ARHGEF12: variants seen among roughly 807,000 people sequenced by gnomAD.
ARHGEF12 encodes Rho guanine nucleotide exchange factor 12.
A neutral mutation model predicts 211.2 loss-of-function variants in ARHGEF12; 66 were observed. The ratio of observed to expected loss-of-function variants is 0.31; its 90% CI spans 0.26 to 0.38. The LOEUF (loss-of-function observed/expected upper bound fraction) is 0.38. ARHGEF12 is among the 10% of genes least tolerant of loss of function. ARHGEF12 has a pLI of 1.00. For missense variants in ARHGEF12, 1,429 were observed against 1,869.5 expected (o/e 0.76, Z 4.34); for synonymous variants, 592 against 638.4 (o/e 0.93, Z 1.09).
At chr11:120,448,384 T>A in intron 20 of ARHGEF12, 36 bp downstream of exon 20, 2 of 1,517,858 alleles carry the variant, frequency 1.3e-6, no homozygotes, top group Non-Finnish European at 1.8e-6. Context: ...TGTTCAGGCC[T>A]TAGGGCTTCT....
chr11:120,471,083 A>G (rs1300741114), intron 30 of ARHGEF12, among the ~76,000 whole-genome samples: 1 of 152,200 alleles, frequency 6.6e-6, no homozygotes, highest in Non-Finnish European at 1.5e-5. Flanking sequence ...ATCATAAGCA[A>G]ATGGACCTAG....
intron 18 of ARHGEF12, 139 bp from the exon 19 acceptor site, chr11:120,447,735 G>A (rs989422215): frequency 3.5e-6 from 2 of 565,110 alleles, no homozygotes; most frequent in Non-Finnish European, 3.1e-6. Context: ...AGAATCACTT[G>A]CGCCCAGGAG....
intron 4 of ARHGEF12, among the ~76,000 whole-genome samples, chr11:120,412,088 T>C (rs932255363): frequency 6.6e-6 from 1 of 152,214 alleles, no homozygotes; most frequent in Non-Finnish European, 1.5e-5. Flanking sequence ...CATTTCCCCT[T>C]ATTTGTCCCT....
intron 1 of ARHGEF12, among the ~76,000 whole-genome samples, chr11:120,353,560 G>A (rs1048818574): frequency 3.3e-5 from 5 of 152,080 alleles, no homozygotes; most frequent in South Asian, 2.1e-4. Flanking sequence ...CCCTGATCTC[G>A]CTGTCTAGTC....
chr11:120,400,707 A>G (rs949233768), intron 1 of ARHGEF12, among the ~76,000 whole-genome samples: 1 of 152,240 alleles, frequency 6.6e-6, no homozygotes, highest in Admixed American at 6.5e-5. Context: ...TCAATCTATA[A>G]TAGCTCCAGC....
Position 120,480,309 on chromosome 11 carries a change from G to T in ARHGEF12, c.4116G>T (p.Gly1372=). The T allele has an allele frequency of 6.2e-7, 1 of 1,614,106 alleles. No individual in the cohort carries two copies. The highest frequency in any genetic ancestry group is 8.5e-7 in the Non-Finnish European group (1 of 1,180,032). ...TPEMPTMEPE[G]GLDDSGEHFF... is the part of the protein sequence containing the mutation. ...AGATGCCTACCATGGAGCCAGAAGG[G>T]GGTCTTGATGACAGTGGAGAGCACT... The change falls in exon 38 of 41, where the codon GGG becomes GGT. Residue 1372 remains glycine (G), a synonymous_variant. Coordinates refer to ENST00000397843, the MANE Select transcript of ARHGEF12 (RefSeq NM_015313.3).
intron 28 of ARHGEF12, among the ~76,000 whole-genome samples, chr11:120,466,171 A>C (rs1946701450): frequency 1.3e-5 from 2 of 152,368 alleles, no homozygotes; most frequent in African/African-American, 4.8e-5. Flanking sequence ...GAGTTTGACC[A>C]GGCTGAGATC....
intron 1 of ARHGEF12, among the ~76,000 whole-genome samples, chr11:120,381,934 A>G (rs1024722379): frequency 1.3e-5 from 2 of 152,210 alleles, no homozygotes; most frequent in Admixed American, 1.3e-4. Context: ...AGTAAAATAC[A>G]TGAAAAATCC....
rs759368594 is a variant in ARHGEF12, at chr11:120,429,814, G to A, written c.766G>A (p.Ala256Thr). ...TCAGCTGCAAGAGCAGTTATCCAAAGCCACAGGCTCTGCTCAGGTAGCATC... is the reference window on the plus strand; with the variant it reads ...TCAGCTGCAAGAGCAGTTATCCAAAACCACAGGCTCTGCTCAGGTAGCATC... ...IPQLQEQLSK[A>T]TGSAQDGAVV... The change falls in exon 10 of 41, where the codon GCC (alanine) becomes ACC (threonine). Residue 256 changes from alanine (A) to threonine (T), a missense_variant. This residue lies in a region of ARHGEF12 where 254 missense variants were observed against 286.4 expected (regional missense o/e 0.89). Coordinates refer to ENST00000397843, the MANE Select transcript of ARHGEF12 (RefSeq NM_015313.3). 1.9e-6 allele frequency: 3 copies of A among 1,613,714 alleles called. No homozygotes were observed. Among genetic ancestry groups the A allele is most frequent in the Non-Finnish European group, 1.7e-6 (2 of 1,179,814 alleles).
intron 1 of ARHGEF12, among the ~76,000 whole-genome samples, chr11:120,397,518 A>T (rs1267879576): frequency 6.6e-6 from 1 of 152,224 alleles, no homozygotes; most frequent in Non-Finnish European, 1.5e-5. Context: ...TATGCTGAAA[A>T]ATTAGACCCA....
chr11:120,386,852 A>C (rs1944046206), intron 1 of ARHGEF12, among the ~76,000 whole-genome samples: 1 of 152,124 alleles, frequency 6.6e-6, no homozygotes, highest in Non-Finnish European at 1.5e-5. Flanking sequence ...ACATTTTGAG[A>C]GATTAAGTGA....
chr11:120,393,574 TA>T (rs548968119), intron 1 of ARHGEF12, among the ~76,000 whole-genome samples: 2 of 152,068 alleles, frequency 1.3e-5, no homozygotes, highest in South Asian at 2.1e-4. Flanking sequence ...TCAACAGGGA[TA>T]AAAAAAGTAA....
intron 19 of ARHGEF12, 101 bp downstream of exon 19, chr11:120,448,007 A>ACTGTATTTGTAAGT: frequency 1.0e-6 from 1 of 1,002,546 alleles, no homozygotes; most frequent in Non-Finnish European, 1.5e-6. Context: ...TAACTTACAA[A>ACTGTATTTGTAAGT]TACAGTTTGT....
rs1565513307 is a variant in ARHGEF12 at position 120,477,427 on chromosome 11, T to TG, written c.3453-20_3453-19insG. 9 of 1,544,932 alleles carry TG rather than the reference T, an allele frequency of 5.8e-6. No homozygotes were observed. In the African/African-American group the frequency reaches 8.4e-5, roughly 14 times the overall value. The stretch of plus-strand genomic sequence containing the variant: ...ACCTCAGGAAGGTAAAAGTTTTTTT[T>TG]TTTTTTTTTTTCTCTACAGAGGAGA... On this transcript the variant is annotated intron_variant, in intron 35 of 40. Coordinates refer to ENST00000397843, the MANE Select transcript of ARHGEF12 (RefSeq NM_015313.3).
chr11:120,391,278 A>T (rs533511032), intron 1 of ARHGEF12, among the ~76,000 whole-genome samples: 3 of 152,312 alleles, frequency 2.0e-5, no homozygotes, highest in Non-Finnish European at 4.4e-5. Flanking sequence ...ATTTTTTTCT[A>T]ATAAGAATTA....
At chr11:120,385,352 G>A in intron 1 of ARHGEF12, 1 of 985,360 alleles carries the variant, frequency 1.0e-6, no homozygotes, top group Non-Finnish European at 1.2e-6. Context: ...TTCCAAGGAT[G>A]TCGAATGTAT....
intron 21 of ARHGEF12, 163 bp downstream of exon 21, chr11:120,449,377 AC>A (rs1194481101): frequency 1.7e-5 from 10 of 597,842 alleles, no homozygotes; most frequent in African/African-American, 1.3e-4. Context: ...TGAACTAAGT[AC>A]CCCCTATGTT....
chr11:120,404,582 T>C (rs1944639839), intron 1 of ARHGEF12, among the ~76,000 whole-genome samples: 2 of 152,186 alleles, frequency 1.3e-5, no homozygotes, highest in African/African-American at 2.4e-5. Context: ...TCCTTTTTCA[T>C]TACCTTGTAA....
intron 37 of ARHGEF12, 29 bp downstream of exon 37, chr11:120,478,418 T>C (rs1190165451): frequency 1.3e-6 from 2 of 1,585,928 alleles, no homozygotes; most frequent in Admixed American, 1.7e-5. Flanking sequence ...TTATTACAGA[T>C]ACTTACTAAG....
Sources: gnomAD v4.1 joint callset for allele counts (sites outside exome capture counted in the v4.1 genomes callset) on GRCh38, gnomAD v4.1.1 for gene constraint, gnomAD v4.1.1 regional missense constraint, MANE v1.5 for transcripts, NCBI Gene and HGNC (gene_info 2026-07-23, HGNC 2026-07-21) for gene names.